SEC24A: variants seen among roughly 807,000 people sequenced by gnomAD.
SEC24A encodes protein transport protein Sec24A.
In SEC24A, 93 loss-of-function variants were observed where a neutral mutation model predicts 129.4. The ratio of observed to expected loss-of-function variants is 0.72; its 90% CI spans 0.61 to 0.85. The LOEUF is 0.85. Among genes scored for constraint, SEC24A ranks in the 40% least tolerant of loss-of-function variants. The probability of loss-of-function intolerance (pLI) is 0.00; values close to 1 mark genes in which losing one functional copy is unlikely to be tolerated. For synonymous variants in SEC24A, 460 were observed against 467.3 expected (o/e 0.98, Z 0.20); for missense variants, 1,264 against 1,307.4 (o/e 0.97, Z 0.51).
chr5:134,724,648 C>T (rs1752716905), intron 22 of SEC24A, among the ~76,000 whole-genome samples: 3 of 151,412 alleles, frequency 2.0e-5, no homozygotes, highest in Admixed American at 2.0e-4. Context: ...TTTGAAAAAT[C>T]CATTCAGTTA....
chr5:134,686,517 A>G (rs553240080), intron 9 of SEC24A, among the ~76,000 whole-genome samples: 15 of 152,290 alleles, frequency 9.8e-5, no homozygotes, highest in African/African-American at 3.6e-4. Context: ...GATTACAGGC[A>G]TGAGCCACCA....
chr5:134,719,980 C>T (rs1249873228), intron 20 of SEC24A, among the ~76,000 whole-genome samples: 1 of 151,346 alleles, frequency 6.6e-6, no homozygotes, highest in Non-Finnish European at 1.5e-5. Context: ...AGCAAAACTA[C>T]GTCTCAAAAA....
chr5:134,700,322 C>T (rs941942364), intron 15 of SEC24A, among the ~76,000 whole-genome samples: 1 of 151,726 alleles, frequency 6.6e-6, no homozygotes, highest in Non-Finnish European at 1.5e-5. Flanking sequence ...TGGGCTCAAG[C>T]AATCCTCTTA....
chr5:134,666,115 C>T (rs556541764), intron 2 of SEC24A, among the ~76,000 whole-genome samples: 34 of 151,832 alleles, frequency 2.2e-4, no homozygotes, highest in African/African-American at 7.7e-4. Flanking sequence ...ATGAGACCCC[C>T]GTCTCTATTT....
At chr5:134,713,805 C>T (rs1021744400) in intron 18 of SEC24A, among the ~76,000 whole-genome samples, 9 of 149,602 alleles carry the variant, frequency 6.0e-5, no homozygotes, top group East Asian at 2.0e-4. Context: ...CCGAGGCGGG[C>T]GGATCATGAG....
In SEC24A at chr5:134,703,854, C is replaced by T. The variant is rs755439108; in HGVS notation, c.2362C>T (p.Gln788Ter). The T allele has an allele frequency of 1.2e-6, 2 of 1,612,800 alleles. No homozygotes were observed. Among genetic ancestry groups the T allele is most frequent in the Admixed American group, 3.3e-5 (2 of 59,996 alleles). ...NVNPDAGYAVQMSVEESLTDT... is the reference protein window; with the variant it reads ...NVNPDAGYAV ...CAACCCAGACGCTGGGTATGCAGTACAGATGTCAGTGGAAGAGAGTCTTAC... is the reference window on the plus strand; with the variant it reads ...CAACCCAGACGCTGGGTATGCAGTATAGATGTCAGTGGAAGAGAGTCTTAC... Residue 788 changes from glutamine (Q) to a stop codon, truncating the protein, a stop_gained, in exon 16 of 23, where the codon CAG becomes TAG. Transcript: ENST00000398844. LOFTEE classifies it high-confidence loss of function.
rs1295480177 is a variant in SEC24A, at chr5:134,679,655, G to A, written c.1308G>A (p.Thr436=). 12 of 1,600,370 alleles carry A rather than the reference G, an allele frequency of 7.5e-6. No individual in the cohort carries two copies. The highest frequency in any genetic ancestry group is 2.2e-5 in the East Asian group (1 of 44,706). ...STIVRCRSCR[T]YINPFVSFLD... is the part of the protein sequence containing the mutation. ...TTGTGAGATGCCGTTCATGCAGGAC[G>A]TACATCAATCCTTTCGTCAGCTTTC... The change falls in exon 8 of 23, where the codon ACG becomes ACA. Residue 436 remains threonine, a synonymous_variant. Transcript: ENST00000398844.
chr5:134,666,428 A>C (rs992001993), intron 2 of SEC24A, among the ~76,000 whole-genome samples: 30 of 152,142 alleles, frequency 2.0e-4, no homozygotes, highest in African/African-American at 7.0e-4. Context: ...ATGGTTTCAC[A>C]TGCCTATAGT....
chr5:134,649,192 G>T lies in SEC24A; in HGVS notation c.97+19G>T. On this transcript the variant is annotated intron_variant, in intron 1 of 22. Coordinates refer to ENST00000398844, the MANE Select transcript of SEC24A (RefSeq NM_021982.3). ...ACCAACGGTGAGTGCTGTCCGGGGG[G>T]AGGGCGCAGCCTGGCCAGGGCTGAC... 1 of 1,573,348 alleles carries T rather than the reference G, an allele frequency of 6.4e-7. No homozygotes were observed. Among genetic ancestry groups the T allele is most frequent in the Non-Finnish European group, 8.7e-7 (1 of 1,152,736 alleles).
rs1273707748 is a variant in SEC24A, at chr5:134,693,260, T to G, written c.1780-467T>G. 10 of 1,454,034 alleles carry G rather than the reference T, an allele frequency of 6.9e-6. No individual in the cohort carries two copies. In the East Asian group the frequency reaches 2.5e-4, roughly 36 times the overall value. The allele number at this position is 1,454,034 out of a possible 1,614,324, so 90.1% of individuals were successfully genotyped here. ...TATTTTTTTCCCCATTAACTCTATT[T>G]GTACAACCTAACCTGTAAAGGTAGT... On this transcript the variant is annotated intron_variant, in intron 12 of 22. Coordinates refer to ENST00000398844, the MANE Select transcript of SEC24A (RefSeq NM_021982.3).
chr5:134,694,063 T>C, intron 13 of SEC24A, 130 bp downstream of exon 13: 1 of 708,202 alleles, frequency 1.4e-6, no homozygotes, highest in Admixed American at 3.0e-5. Flanking sequence ...TTAACTTTTA[T>C]GTAGACATTT....
rs774303565 is a variant in SEC24A, at chr5:134,703,950, T to C, written c.2440+18T>C. The stretch of plus-strand genomic sequence containing the variant: ...CAGCAAAGGTAAATTGTTTGTTTTT[T>C]TTTGGATTTCAAATGTTCAAATATT... On this transcript the variant is annotated intron_variant, in intron 16 of 22. Transcript: ENST00000398844. 6.9e-5 allele frequency: 105 copies of C among 1,529,340 alleles called. No homozygotes were observed. The highest frequency in any genetic ancestry group is 9.0e-5 in the Non-Finnish European group (102 of 1,127,102). 94.7% of individuals were successfully genotyped at this position (1,529,340 alleles called of 1,614,324 possible). A position where few individuals can be genotyped will look rare whatever the true frequency, so the allele number is the denominator to read the frequency against.
In SEC24A at chr5:134,672,073, A is replaced by G. The variant is rs144408141; in HGVS notation, c.817+187A>G. Among the ~76,000 whole-genome samples, 343 of 152,308 alleles carry G rather than the reference A, an allele frequency of 2.3e-3. 5 individuals are homozygous for G. The East Asian group carries it at 0.054, about 24-fold the overall frequency. On this transcript the variant is annotated intron_variant, in intron 4 of 22. Transcript: ENST00000398844. ...CACTCTGTCGCTCAGGCTGGAGTGC[A>G]GTGGTGCGATCATGGCTCACTGCAG...
chr5:134,652,061 A>G (rs1231669580), intron 1 of SEC24A, among the ~76,000 whole-genome samples: 3 of 150,986 alleles, frequency 2.0e-5, no homozygotes, highest in Non-Finnish European at 4.4e-5. Flanking sequence ...AACTGGGATT[A>G]CAGGTGCATG....
At chr5:134,675,886 A>C (rs1751041886) in intron 6 of SEC24A, 137 bp from the exon 7 acceptor site, 2 of 562,454 alleles carry the variant, frequency 3.6e-6, no homozygotes, top group East Asian at 3.2e-5. Context: ...AAATGGGATA[A>C]AATTTTGAGA....
At chr5:134,666,694 G>A (rs1282518258) in intron 2 of SEC24A, 129 bp from the exon 3 acceptor site, 1 of 702,344 alleles carries the variant, frequency 1.4e-6, no homozygotes, top group African/African-American at 1.9e-5. Context: ...AAGTTAACAT[G>A]TTTCTGGTAA....
chr5:134,715,408 C>A, intron 19 of SEC24A: 1 of 364,118 alleles, frequency 2.7e-6, no homozygotes, highest in Non-Finnish European at 4.8e-6. Flanking sequence ...GTCAAATTGA[C>A]CAGAGCAACT....
intron 20 of SEC24A, among the ~76,000 whole-genome samples, chr5:134,720,000 AAAG>A (rs1752585971): frequency 6.6e-6 from 1 of 152,268 alleles, no homozygotes; most frequent in Non-Finnish European, 1.5e-5. Context: ...AAAAAAATTA[AAAG>A]AAGTTTATAA....
Position 134,679,649 on chromosome 5 carries a change from C to T in SEC24A, c.1302C>T (p.Cys434=). 1 of 1,597,568 alleles carries T rather than the reference C, an allele frequency of 6.3e-7. No homozygotes were observed. Among genetic ancestry groups the T allele is most frequent in the Non-Finnish European group, 8.6e-7 (1 of 1,168,212 alleles). The stretch of plus-strand genomic sequence containing the variant: ...GTACAATTGTGAGATGCCGTTCATG[C>T]AGGACGTACATCAATCCTTTCGTCA... ...TSSTIVRCRS[C]RTYINPFVSF... Residue 434 remains cysteine (C), a synonymous_variant, in exon 8 of 23, where the codon TGC becomes TGT. Coordinates refer to ENST00000398844, the MANE Select transcript of SEC24A (RefSeq NM_021982.3).
Sources: gnomAD v4.1 joint callset for allele counts (sites outside exome capture counted in the v4.1 genomes callset) on GRCh38, gnomAD v4.1.1 for gene constraint, MANE v1.5 for transcripts, NCBI Gene and HGNC (gene_info 2026-07-23, HGNC 2026-07-21) for gene names.